SP140: variants seen among roughly 807,000 people sequenced by gnomAD.
SP140 encodes the protein nuclear body protein SP140.
SP140 carries 81 observed loss-of-function variants against 125.0 expected under a neutral mutation model. The ratio of observed to expected loss-of-function variants is 0.65; its 90% CI spans 0.54 to 0.78. The LOEUF is 0.78. SP140 is among the 30% of genes least tolerant of loss of function. The pLI, the probability that SP140 is intolerant of heterozygous loss-of-function variation, is 0.00. For synonymous variants in SP140, 312 were observed against 354.0 expected, an observed-to-expected ratio of 0.88 and a Z score of 1.33; for missense variants, 858 against 1,037.0, an observed-to-expected ratio of 0.83 and a Z score of 2.37.
At chr2:230,230,087 G>A (rs913905629) in intron 1 of SP140, among the ~76,000 whole-genome samples, 4 of 152,166 alleles carry the variant, frequency 2.6e-5, no homozygotes, top group Admixed American at 2.0e-4. Context: ...AGTTGCAGGA[G>A]AGAGAGAATT....
At chr2:230,280,584 T>C (rs1477185225) in intron 15 of SP140, among the ~76,000 whole-genome samples, 2 of 152,120 alleles carry the variant, frequency 1.3e-5, no homozygotes, top group African/African-American at 2.4e-5. Flanking sequence ...AATGGATTGG[T>C]ATAAAACTAT....
intron 22 of SP140, among the ~76,000 whole-genome samples, chr2:230,305,637 G>A (rs1251372366): frequency 6.6e-6 from 1 of 152,264 alleles, no homozygotes; most frequent in African/African-American, 2.4e-5. Flanking sequence ...AGCTGGGCCA[G>A]TGGTGGTTCG....
intron 17 of SP140, among the ~76,000 whole-genome samples, chr2:230,287,175 C>G (rs1427656627): frequency 6.6e-6 from 1 of 152,186 alleles, no homozygotes; most frequent in Non-Finnish European, 1.5e-5. Context: ...GCGGAAATCT[C>G]AATTCTACCC....
chr2:230,217,980 G>A lies in SP140; in HGVS notation c.-91+3906G>A, dbSNP rs554424453. On this transcript the variant is annotated intron_variant, in intron 3 of 4. Transcript: ENST00000456542. ...TTAGTAAAAGTGACTTAACTGACTT[G>A]TTCACTGCAACCATTTCATGTCTCA... Among the ~76,000 whole-genome samples the A allele has an allele frequency of 1.3e-4, 20 of 152,358 alleles. 1 individual carries two copies. The South Asian group carries it at 3.3e-3, about 25-fold the overall frequency.
At chr2:230,257,110 G>A (rs757091743) in intron 12 of SP140, among the ~76,000 whole-genome samples, 3 of 152,000 alleles carry the variant, frequency 2.0e-5, no homozygotes, top group Non-Finnish European at 4.4e-5. Flanking sequence ...GTTGGGGTGG[G>A]GTCTCATAGT....
chr2:230,218,023 A>G (rs1411338930), intron 3 of SP140, among the ~76,000 whole-genome samples: 1 of 152,232 alleles, frequency 6.6e-6, no homozygotes, highest in Non-Finnish European at 1.5e-5. Context: ...GCCTTTTCCC[A>G]TGCCCATGCA....
intron 18 of SP140, among the ~76,000 whole-genome samples, chr2:230,289,494 TC>T (rs1328033689): frequency 1.3e-5 from 2 of 152,100 alleles, no homozygotes; most frequent in East Asian, 3.9e-4. Context: ...CAAGGACAGC[TC>T]CCCCGTTTAT....
upstream of SP140, chr2:230,225,447 G>A (rs188544933): frequency 5.9e-5 from 19 of 323,056 alleles, no homozygotes; most frequent in East Asian, 1.6e-3. Flanking sequence ...GATTTGAAAT[G>A]TCTGGTCTTC....
intron 22 of SP140, among the ~76,000 whole-genome samples, chr2:230,303,361 G>A (rs2058480887): frequency 6.6e-6 from 1 of 152,142 alleles, no homozygotes; most frequent in African/African-American, 2.4e-5. Flanking sequence ...AAAGCAGGCA[G>A]AAATAGAAAT....
downstream of SP140, among the ~76,000 whole-genome samples, chr2:230,316,524 A>T (rs1423204719): frequency 6.6e-6 from 1 of 152,266 alleles, no homozygotes; most frequent in Non-Finnish European, 1.5e-5. Flanking sequence ...TTTTCACTTA[A>T]TAACATACAA....
chr2:230,235,629 A>G (rs1013461095), intron 1 of SP140, among the ~76,000 whole-genome samples: 2 of 152,164 alleles, frequency 1.3e-5, no homozygotes, highest in Non-Finnish European at 2.9e-5. Context: ...AAAATCCTGG[A>G]AGTCTTCATA....
intron 20 of SP140, 92 bp from the exon 21 acceptor site, chr2:230,294,179 C>G (rs1035529118): frequency 1.0e-6 from 1 of 980,794 alleles, no homozygotes; most frequent in Admixed American, 1.8e-5. Context: ...GTGGAACACT[C>G]AGGTAGAAAT....
upstream of SP140, among the ~76,000 whole-genome samples, chr2:230,199,145 A>T (rs985081516): frequency 5.1e-3 from 616 of 121,634 alleles, 3 homozygotes; most frequent in African/African-American, 0.023. Context: ...TATTATTATT[A>T]TTATTTTTTT....
chr2:230,286,231 T>C lies in SP140; in HGVS notation c.1645+399T>C, dbSNP rs185513399. Among the ~76,000 whole-genome samples the C allele has an allele frequency of 8.6e-4, 131 of 152,370 alleles. 1 individual carries two copies. The highest frequency in any genetic ancestry group is 3.0e-3 in the African/African-American group (123 of 41,588). On this transcript the variant is annotated intron_variant, in intron 17 of 26. Coordinates refer to ENST00000392045, the MANE Select transcript of SP140 (RefSeq NM_007237.5). The stretch of plus-strand genomic sequence containing the variant: ...CAAGCTCTGTCGCTTTCTTGTTCCC[T>C]TTTAAAAACAGTAAGAGTCTCATTT...
rs539187326 is a variant in SP140 at position 230,273,245 on chromosome 2, C to T, written c.1498+2606C>T. Among the ~76,000 whole-genome samples, 11 of 152,152 alleles carry T rather than the reference C, an allele frequency of 7.2e-5. No individual in the cohort carries two copies. In the South Asian group the frequency reaches 2.3e-3, roughly 32 times the overall value. ...TCTGTAAGGTACTTAAACAAATTTA[C>T]AAGAAAAACAAACAGCCCCATTAAA... On this transcript the variant is annotated intron_variant, in intron 15 of 26. Transcript: ENST00000392045.
In SP140 at chr2:230,247,936, A is replaced by T. The variant is rs761463627; in HGVS notation, c.763A>T (p.Ile255Leu). 3 of 1,613,820 alleles carry T rather than the reference A, an allele frequency of 1.9e-6. No homozygotes were observed. Among genetic ancestry groups the T allele is most frequent in the Admixed American group, 1.7e-5 (1 of 60,012 alleles). Residue 255 changes from isoleucine (I) to leucine (L), a missense_variant, in exon 8 of 27, where the codon ATA becomes TTA. Ile to Leu is a conservative substitution (Grantham distance 5). Around this residue, in one of 4 missense-constraint regions of SP140, gnomAD observed 791 missense variants for 869.5 expected, o/e 0.91. Transcript: ENST00000392045. ...CCTAGTTCTAGAAAGCAACGGGATG[A>T]TAGATGCGGCAAGGACATACAGCAC... ...DTEVLESNGM[I>L]DAARTYSTAP... is the part of the protein sequence containing the mutation.
intron 12 of SP140, among the ~76,000 whole-genome samples, chr2:230,257,720 T>A (rs890986996): frequency 1.3e-5 from 2 of 152,134 alleles, no homozygotes; most frequent in Admixed American, 1.3e-4. Context: ...TCAGCTGAGA[T>A]CACATCACTG....
intron 7 of SP140, 68 bp downstream of exon 7, chr2:230,246,008 C>T: frequency 1.1e-6 from 1 of 872,932 alleles, no homozygotes. Context: ...CTTTCATCTC[C>T]CTTCCCATTC....
intron 22 of SP140, among the ~76,000 whole-genome samples, chr2:230,308,228 G>A (rs547791433): frequency 1.3e-5 from 2 of 151,758 alleles, no homozygotes; most frequent in African/African-American, 4.8e-5. Flanking sequence ...TGGGCCTTGG[G>A]GACTGAGAGG....
Sources: allele counts gnomAD v4.1 joint callset (sites outside exome capture counted in the v4.1 genomes callset), GRCh38; gene constraint gnomAD v4.1.1; regional missense constraint gnomAD v4.1.1; transcripts MANE v1.5; gene names NCBI Gene and HGNC (gene_info 2026-07-23, HGNC 2026-07-21).